NXPH1: variants seen among roughly 807,000 people sequenced by gnomAD.
NXPH1 encodes neurexophilin 1.
In NXPH1, 5 loss-of-function variants were observed where a neutral mutation model predicts 23.7. That is an observed-to-expected ratio of 0.21 (90% CI 0.11 to 0.44). NXPH1 has a LOEUF of 0.44. Among genes scored for constraint, NXPH1 ranks in the 20% least tolerant of loss-of-function variants. The pLI is 0.99. For missense variants in NXPH1, 324 were observed against 321.6 expected (o/e 1.01, Z -0.06); for synonymous variants, 144 against 122.2 (o/e 1.18, Z -1.18).
At chr7:8,700,034 T>C (rs1241697744) in intron 2 of NXPH1, among the ~76,000 whole-genome samples, 1 of 152,148 alleles carries the variant, frequency 6.6e-6, no homozygotes, top group African/African-American at 2.4e-5. Flanking sequence ...CTCAACCAAA[T>C]GAATGGTGAA....
chr7:8,655,246 G>C (rs976726328), intron 2 of NXPH1, among the ~76,000 whole-genome samples: 1 of 151,986 alleles, frequency 6.6e-6, no homozygotes, highest in African/African-American at 2.4e-5. Context: ...TTAGCTGGCC[G>C]TGGTGGCATG....
chr7:8,533,442 C>G (rs1410756405), intron 2 of NXPH1, among the ~76,000 whole-genome samples: 1 of 152,034 alleles, frequency 6.6e-6, no homozygotes, highest in Non-Finnish European at 1.5e-5. Flanking sequence ...TCTCCCTCCC[C>G]TATAAAGATC....
chr7:8,702,039 GAAA>G (rs57766744), intron 2 of NXPH1, among the ~76,000 whole-genome samples: 24 of 142,896 alleles, frequency 1.7e-4, no homozygotes, highest in Admixed American at 6.3e-4. Context: ...CCCAATTAAA[GAAA>G]AAAAAAAAAG....
intron 2 of NXPH1, among the ~76,000 whole-genome samples, chr7:8,605,026 G>A (rs1819452184): frequency 6.6e-6 from 1 of 152,020 alleles, no homozygotes; most frequent in Non-Finnish European, 1.5e-5. Flanking sequence ...TGTCAGAACT[G>A]CGTACCATAT....
At chr7:8,576,025 A>G (rs1349823859) in intron 2 of NXPH1, among the ~76,000 whole-genome samples, 1 of 152,136 alleles carries the variant, frequency 6.6e-6, no homozygotes, top group African/African-American at 2.4e-5. Flanking sequence ...TCAATAGGGG[A>G]TGGGTATACC....
chr7:8,481,456 A>G (rs1026134279), intron 2 of NXPH1, among the ~76,000 whole-genome samples: 3 of 152,138 alleles, frequency 2.0e-5, no homozygotes, highest in African/African-American at 7.2e-5. Flanking sequence ...GGGTATTGGG[A>G]AATAAAATAA....
At chr7:8,705,327 C>T (rs1434471759) in intron 2 of NXPH1, among the ~76,000 whole-genome samples, 1 of 152,166 alleles carries the variant, frequency 6.6e-6, no homozygotes, top group African/African-American at 2.4e-5. Context: ...CAAACGGCAA[C>T]TGTCAGGTTC....
intron 2 of NXPH1, among the ~76,000 whole-genome samples, chr7:8,715,430 T>C (rs984277762): frequency 6.6e-6 from 1 of 152,124 alleles, no homozygotes; most frequent in Non-Finnish European, 1.5e-5. Flanking sequence ...TTTTATTGTG[T>C]AGATAGTTGT....
In NXPH1 at chr7:8,751,018, C is replaced by A; in HGVS notation, c.65C>A (p.Ala22Asp). Residue 22 changes from alanine to aspartate, a missense_variant, in exon 3 of 3, where the codon GCC (alanine) becomes GAC (aspartate). Coordinates refer to ENST00000405863, the MANE Select transcript of NXPH1 (RefSeq NM_152745.3). The surrounding 1 kb of genome is among the most constrained non-coding windows in gnomAD (Gnocchi z 4.5). ...CTCTTCTGTTTTCAGGTCACATGTG[C>A]CAATTTAACGAACGGTGGAAAGTCA... The part of the protein sequence containing the change: ...LQPTVYLVTC[A>D]NLTNGGKSEL... 1 of 1,613,470 alleles carries A rather than the reference C, an allele frequency of 6.2e-7. No homozygotes were observed.
chr7:8,684,848 G>A (rs1365058636), intron 2 of NXPH1, among the ~76,000 whole-genome samples: 1 of 152,116 alleles, frequency 6.6e-6, no homozygotes, highest in Non-Finnish European at 1.5e-5. Flanking sequence ...TCTATAAGAT[G>A]TACTTGCTGT....
rs142749490 is a variant in NXPH1, at chr7:8,642,330, G to A, written c.55-108678G>A. Among the ~76,000 whole-genome samples, 197 of 152,240 alleles carry A rather than the reference G, an allele frequency of 1.3e-3. 1 individual carries two copies. Among genetic ancestry groups the A allele is most frequent in the African/African-American group, 4.6e-3 (190 of 41,546 alleles). On this transcript the variant is annotated intron_variant, in intron 2 of 2. Transcript: ENST00000405863. ...CAGATTCCAATGTTGCTGTAAAAAG[G>A]TCTGATGCCATTATCATTTCGAATA...
chr7:8,742,033 T>G (rs1780376115), intron 2 of NXPH1, among the ~76,000 whole-genome samples: 1 of 152,134 alleles, frequency 6.6e-6, no homozygotes, highest in South Asian at 2.1e-4. Flanking sequence ...CTAAACTAGT[T>G]AAGAAAGGGT....
chr7:8,486,814 G>T (rs1055459641), intron 2 of NXPH1, among the ~76,000 whole-genome samples: 3 of 151,976 alleles, frequency 2.0e-5, no homozygotes, highest in Admixed American at 1.3e-4. Flanking sequence ...CATTATTTTT[G>T]ATCTGGTTAA....
At chr7:8,551,948 G>T (rs1211284327) in intron 2 of NXPH1, among the ~76,000 whole-genome samples, 1 of 151,176 alleles carries the variant, frequency 6.6e-6, no homozygotes, top group African/African-American at 2.4e-5. Flanking sequence ...TTTTTTGAAC[G>T]TTTTTTCCCT....
intron 2 of NXPH1, among the ~76,000 whole-genome samples, chr7:8,689,179 A>G (rs187533441): frequency 6.6e-6 from 1 of 152,310 alleles, no homozygotes; most frequent in African/African-American, 2.4e-5. Context: ...TAGTTTTCAG[A>G]GTCAAGGGCA....
At chr7:8,472,183 G>T (rs1425692493) in intron 2 of NXPH1, among the ~76,000 whole-genome samples, 1 of 152,048 alleles carries the variant, frequency 6.6e-6, no homozygotes, top group African/African-American at 2.4e-5. Context: ...GTACAAATTT[G>T]TAATAATTGT....
chr7:8,721,622 CA>C (rs1288581659), intron 2 of NXPH1, among the ~76,000 whole-genome samples: 9 of 152,122 alleles, frequency 5.9e-5, no homozygotes, highest in African/African-American at 1.9e-4. Flanking sequence ...TAAAAAAATA[CA>C]AAAAATTAGC....
intron 2 of NXPH1, among the ~76,000 whole-genome samples, chr7:8,603,709 A>G (rs1186524104): frequency 6.6e-6 from 1 of 151,962 alleles, no homozygotes; most frequent in Non-Finnish European, 1.5e-5. Flanking sequence ...CACACTTTTT[A>G]TTTTTATTTT....
chr7:8,504,995 T>A (rs1817497659), intron 2 of NXPH1, among the ~76,000 whole-genome samples: 1 of 152,080 alleles, frequency 6.6e-6, no homozygotes, highest in South Asian at 2.1e-4. Flanking sequence ...AGGCATTCAG[T>A]TTGAATGCCC....
Sources: gnomAD v4.1 joint callset for allele counts (sites outside exome capture counted in the v4.1 genomes callset) on GRCh38, gnomAD v4.1.1 for gene constraint, Gnocchi (gnomAD v3.1) non-coding constraint, MANE v1.5 for transcripts, NCBI Gene and HGNC (gene_info 2026-07-23, HGNC 2026-07-21) for gene names.